Variants in PLCXD3 observed in about 807,000 individuals in gnomAD.
PLCXD3 encodes the protein phosphatidylinositol specific phospholipase C X domain containing 3, also known as PI-PLC X domain-containing protein 3.
A neutral mutation model predicts 25.5 loss-of-function variants in PLCXD3; 19 were observed. That is an observed-to-expected ratio of 0.75 (90% CI 0.52 to 1.09). The LOEUF (loss-of-function observed/expected upper bound fraction) is 1.09, where lower values mean the gene tolerates loss of function less well. Ranked by LOEUF, PLCXD3 falls within the 50% of genes least tolerant of loss-of-function variation. The pLI is 0.00. For missense variants in PLCXD3, 411 were observed against 388.1 expected, an observed-to-expected ratio of 1.06 and a Z score of -0.50; for synonymous variants, 174 against 137.6, an observed-to-expected ratio of 1.26 and a Z score of -1.85.
At chr5:41,506,414 T>C (rs1405455837) in intron 1 of PLCXD3, among the ~76,000 whole-genome samples, 1 of 152,234 alleles carries the variant, frequency 6.6e-6, no homozygotes, top group Non-Finnish European at 1.5e-5. Context: ...GAGATATTCA[T>C]CCTAAACAAT....
chr5:41,482,504 T>C (rs1362754072), intron 1 of PLCXD3, among the ~76,000 whole-genome samples: 1 of 152,168 alleles, frequency 6.6e-6, no homozygotes, highest in African/African-American at 2.4e-5. Flanking sequence ...CGAAGTATAA[T>C]ACATTAGTCT....
chr5:41,353,294 G>C (rs1311745712), intron 2 of PLCXD3, among the ~76,000 whole-genome samples: 1 of 151,674 alleles, frequency 6.6e-6, no homozygotes, highest in Non-Finnish European at 1.5e-5. Flanking sequence ...GTAGAGACAG[G>C]GTTTCACTGT....
At chr5:41,403,997 C>G (rs1746279999) in intron 1 of PLCXD3, among the ~76,000 whole-genome samples, 1 of 152,132 alleles carries the variant, frequency 6.6e-6, no homozygotes, top group African/African-American at 2.4e-5. Flanking sequence ...TATGGTTGCT[C>G]AATAAAGAAA....
chr5:41,409,744 C>T (rs6451574), intron 1 of PLCXD3, among the ~76,000 whole-genome samples: 1 of 152,156 alleles, frequency 6.6e-6, no homozygotes, highest in East Asian at 1.9e-4. Context: ...AAGATGTTCC[C>T]TAAATATTTG....
intron 1 of PLCXD3, among the ~76,000 whole-genome samples, chr5:41,479,815 G>A (rs1260614913): frequency 2.0e-5 from 3 of 151,790 alleles, no homozygotes; most frequent in Non-Finnish European, 4.4e-5. Context: ...ACCTCAAAGA[G>A]GCAAATTCTA....
chr5:41,445,152 C>G lies in PLCXD3; in HGVS notation c.104-62618G>C, dbSNP rs1398036699. On this transcript the variant is annotated intron_variant, in intron 1 of 2. Transcript: ENST00000377801. Reference sequence around the variant, plus strand: ...ATATTATAGTGCTGAGCACAGTCAACAAGGGAGAAAGTCAATTTTGATTTG... The same window carrying G: ...ATATTATAGTGCTGAGCACAGTCAAGAAGGGAGAAAGTCAATTTTGATTTG... Among the ~76,000 whole-genome samples the G allele has an allele frequency of 2.6e-5, 4 of 152,162 alleles. No individual in the cohort carries two copies. The East Asian group carries it at 7.7e-4, about 29-fold the overall frequency.
chr5:41,510,401 G>C, intron 1 of PLCXD3, 23 bp downstream of exon 1: 1 of 1,586,934 alleles, frequency 6.3e-7, no homozygotes, highest in East Asian at 2.4e-5. Flanking sequence ...CGAGCGCCTA[G>C]CCCGCAGCCC....
At chr5:41,410,141 C>CTTTTTTTTTTTT (rs5867553) in intron 1 of PLCXD3, among the ~76,000 whole-genome samples, 1 of 121,400 alleles carries the variant, frequency 8.2e-6, no homozygotes, top group Non-Finnish European at 1.8e-5. Context: ...TTTTATTTAT[C>CTTTTTTTTTTTT]TTTTTTTTTT....
At chr5:41,334,127 T>C (rs766333766) in intron 2 of PLCXD3, among the ~76,000 whole-genome samples, 5 of 152,174 alleles carry the variant, frequency 3.3e-5, no homozygotes, top group African/African-American at 7.2e-5. Flanking sequence ...ATCAACTGAA[T>C]TGATGTTAAA....
intron 2 of PLCXD3, among the ~76,000 whole-genome samples, chr5:41,331,052 C>G (rs921856443): frequency 6.6e-6 from 1 of 151,898 alleles, no homozygotes; most frequent in African/African-American, 2.4e-5. Context: ...GGGATGCCCT[C>G]TCTCACCACT....
At chr5:41,361,220 C>A (rs1406025598) in intron 2 of PLCXD3, among the ~76,000 whole-genome samples, 1 of 152,158 alleles carries the variant, frequency 6.6e-6, no homozygotes, top group East Asian at 1.9e-4. Context: ...CACTCCCATG[C>A]AGCCAGCAGT....
At chr5:41,408,294 C>G (rs919099512) in intron 1 of PLCXD3, among the ~76,000 whole-genome samples, 1 of 152,208 alleles carries the variant, frequency 6.6e-6, no homozygotes, top group Non-Finnish European at 1.5e-5. Flanking sequence ...TAAGGTAATA[C>G]AGACATCTTC....
chr5:41,400,739 A>C (rs1272465163), intron 1 of PLCXD3, among the ~76,000 whole-genome samples: 5 of 152,052 alleles, frequency 3.3e-5, no homozygotes, highest in Admixed American at 2.6e-4. Flanking sequence ...AATGGGTACA[A>C]AAAAACTAGT....
intron 2 of PLCXD3, among the ~76,000 whole-genome samples, chr5:41,320,454 A>G (rs534960517): frequency 6.6e-5 from 10 of 152,250 alleles, no homozygotes; most frequent in African/African-American, 1.4e-4. Context: ...CCTGGGATGC[A>G]AGGGTGGTTC....
At chr5:41,480,340 G>A (rs539166449) in intron 1 of PLCXD3, among the ~76,000 whole-genome samples, 61 of 151,184 alleles carry the variant, frequency 4.0e-4, no homozygotes, top group Non-Finnish European at 5.9e-5. Flanking sequence ...ATAACATCAG[G>A]ATTTAAAGCT....
At position 41,472,393 on chromosome 5, in the gene PLCXD3, T is replaced by C. The variant is rs149505698; in HGVS notation, c.103+38031A>G. On this transcript the variant is annotated intron_variant, in intron 1 of 2. Transcript: ENST00000377801. Reference sequence around the variant, plus strand: ...ATCTATTTTCTTCATTCTCTAACTATACTGTTTTTCTCATGACTTTAGATT... The same window carrying C: ...ATCTATTTTCTTCATTCTCTAACTACACTGTTTTTCTCATGACTTTAGATT... 2.0e-3 allele frequency among the ~76,000 whole-genome samples: 300 copies of C among 152,292 alleles called. 1 individual carries two copies. Among genetic ancestry groups the C allele is most frequent in the African/African-American group, 6.7e-3 (280 of 41,568 alleles).
chr5:41,369,980 G>T (rs890394009), intron 2 of PLCXD3, among the ~76,000 whole-genome samples: 5 of 152,242 alleles, frequency 3.3e-5, no homozygotes, highest in African/African-American at 9.6e-5. Flanking sequence ...ATTCACTAAT[G>T]AAATCACACA....
intron 1 of PLCXD3, among the ~76,000 whole-genome samples, chr5:41,491,090 C>G (rs1393572608): frequency 1.3e-5 from 2 of 152,186 alleles, no homozygotes; most frequent in Non-Finnish European, 2.9e-5. Context: ...AAATTTCCCT[C>G]TACACACTGC....
chr5:41,493,644 A>G (rs1417747248), intron 1 of PLCXD3, among the ~76,000 whole-genome samples: 2 of 151,724 alleles, frequency 1.3e-5, no homozygotes, highest in African/African-American at 4.8e-5. Flanking sequence ...AATGGTGGGC[A>G]CCCCTCCCCC....
Sources: allele counts gnomAD v4.1 joint callset (sites outside exome capture counted in the v4.1 genomes callset), GRCh38; gene constraint gnomAD v4.1.1; transcripts MANE v1.5; gene names NCBI Gene and HGNC (gene_info 2026-07-23, HGNC 2026-07-21).